Variants in NCOA3 observed in about 807,000 individuals in gnomAD.
NCOA3 encodes nuclear receptor coactivator 3, also known as CBP-interacting protein.
In NCOA3, 51 loss-of-function variants were observed where a neutral mutation model predicts 158.8. The ratio of observed to expected loss-of-function variants is 0.32; its 90% CI spans 0.26 to 0.41. The LOEUF (loss-of-function observed/expected upper bound fraction) is 0.41, where lower values mean the gene tolerates loss of function less well. Among genes scored for constraint, NCOA3 ranks in the 10% least tolerant of loss-of-function variants. The pLI is 1.00. For missense variants in NCOA3, 1,510 were observed against 1,746.6 expected (o/e 0.86, Z 2.41); for synonymous variants, 537 against 592.4 (o/e 0.91, Z 1.36).
At chr20:47,624,367 G>A (rs1402195412) in intron 4 of NCOA3, among the ~76,000 whole-genome samples, 2 of 152,246 alleles carry the variant, frequency 1.3e-5, no homozygotes, top group African/African-American at 4.8e-5. Flanking sequence ...GGGAGAAACT[G>A]TGACAGATCA....
At chr20:47,613,313 A>G (rs547621984) in intron 2 of NCOA3, among the ~76,000 whole-genome samples, 1 of 148,524 alleles carries the variant, frequency 6.7e-6, no homozygotes, top group Non-Finnish European at 1.5e-5. Context: ...TTTGCTATTC[A>G]TTGTGTTCAA....
At chr20:47,557,186 C>T (rs1030763667) in intron 1 of NCOA3, among the ~76,000 whole-genome samples, 2 of 152,176 alleles carry the variant, frequency 1.3e-5, no homozygotes, top group Non-Finnish European at 2.9e-5. Flanking sequence ...GGATATCTTT[C>T]ATATTTGGCT....
chr20:47,616,297 A>G (rs939164241), intron 2 of NCOA3, among the ~76,000 whole-genome samples: 1 of 151,516 alleles, frequency 6.6e-6, no homozygotes, highest in African/African-American at 2.4e-5. Context: ...GGGTTCAAGC[A>G]ATCCTCCTGC....
chr20:47,646,345 T>C (rs6018617), intron 17 of NCOA3, among the ~76,000 whole-genome samples: 16,225 of 152,190 alleles, frequency 0.11, 1,111 homozygotes, highest in Middle Eastern at 0.19. Context: ...GTTGAATCCA[T>C]GAGTGTGGAA....
chr20:47,567,910 G>A (rs979752924), intron 1 of NCOA3, among the ~76,000 whole-genome samples: 1 of 151,818 alleles, frequency 6.6e-6, no homozygotes, highest in Non-Finnish European at 1.5e-5. Flanking sequence ...GGGTCTTTCT[G>A]TGTTGCCCAG....
At chr20:47,592,255 G>T (rs1198737962) in intron 2 of NCOA3, among the ~76,000 whole-genome samples, 1 of 152,136 alleles carries the variant, frequency 6.6e-6, no homozygotes, top group Non-Finnish European at 1.5e-5. Flanking sequence ...ATGTTGGCCA[G>T]GCTGGTCTTG....
chr20:47,620,838 A>G (rs943795702), intron 2 of NCOA3, among the ~76,000 whole-genome samples: 22 of 152,196 alleles, frequency 1.4e-4, no homozygotes, highest in African/African-American at 4.8e-4. Flanking sequence ...ACCCTCTAGC[A>G]CAGGATTCAG....
chr20:47,652,580 G>T lies in NCOA3; in HGVS notation c.4121G>T (p.Ser1374Ile). 1 of 1,603,424 alleles carries T rather than the reference G, an allele frequency of 6.2e-7. No individual in the cohort carries two copies. The highest frequency in any genetic ancestry group is 8.5e-7 in the Non-Finnish European group (1 of 1,171,034). The change falls in exon 21 of 23, where the codon AGC becomes ATC. Residue 1374 changes from serine to isoleucine, a missense_variant and splice_region_variant. Ser to Ile is a moderately radical substitution (Grantham distance 142). Coordinates refer to ENST00000371998, the MANE Select transcript of NCOA3 (RefSeq NM_181659.3). Reference sequence around the variant, plus strand: ...CCATCAGGAAATTTGGCCAGGAACAGGTAAAGAACAGTGACTTATAAAGTT... The same window carrying T: ...CCATCAGGAAATTTGGCCAGGAACATGTAAAGAACAGTGACTTATAAAGTT... The part of the protein sequence containing the change: ...GWPSGNLARN[S>I]SFSQQQFAHQ...
chr20:47,647,726 C>T (rs2086711380), intron 18 of NCOA3, among the ~76,000 whole-genome samples: 1 of 151,984 alleles, frequency 6.6e-6, no homozygotes, highest in Non-Finnish European at 1.5e-5. Flanking sequence ...TAATGGAACT[C>T]TTCTTTCTAG....
intron 1 of NCOA3, among the ~76,000 whole-genome samples, chr20:47,507,991 C>T (rs1277450766): frequency 6.6e-6 from 1 of 151,878 alleles, no homozygotes; most frequent in Non-Finnish European, 1.5e-5. Context: ...TTGACTTAGC[C>T]CCTTTCTCCT....
At chr20:47,550,716 A>C (rs2084916205) in intron 1 of NCOA3, among the ~76,000 whole-genome samples, 1 of 152,190 alleles carries the variant, frequency 6.6e-6, no homozygotes, top group Non-Finnish European at 1.5e-5. Flanking sequence ...CATCGCTTTC[A>C]CATAACTCCT....
At chr20:47,592,997 G>T (rs146991332) in intron 2 of NCOA3, among the ~76,000 whole-genome samples, 1 of 152,082 alleles carries the variant, frequency 6.6e-6, no homozygotes, top group Non-Finnish European at 1.5e-5. Flanking sequence ...GCAGTAGTGT[G>T]ATCTCCTCTC....
At chr20:47,548,856 G>T (rs2043066502) in intron 1 of NCOA3, among the ~76,000 whole-genome samples, 1 of 152,164 alleles carries the variant, frequency 6.6e-6, no homozygotes, top group Admixed American at 6.6e-5. Flanking sequence ...TATCTGTGAG[G>T]TCTTCATTTG....
At position 47,636,530 on chromosome 20, in the gene NCOA3, C is replaced by G. The variant is rs763253296; in HGVS notation, c.2144C>G (p.Ser715Cys). The G allele has an allele frequency of 6.2e-7, 1 of 1,614,224 alleles. No individual in the cohort carries two copies. Among genetic ancestry groups the G allele is most frequent in the South Asian group, 1.1e-5 (1 of 91,082 alleles). The part of the protein sequence containing the change: ...ATGKDTSSIT[S>C]CGDGNVVKQE... ...GGGAAAGACACCAGCAGTATAACTT[C>G]TTGTGGGGACGGAAATGTTGTCAAG... Residue 715 changes from serine (S) to cysteine (C), a missense_variant, in exon 12 of 23, where the codon TCT (serine) becomes TGT (cysteine). By Grantham distance (112) the Ser-to-Cys change is moderately radical. This residue lies in a region of NCOA3 where 1,017 missense variants were observed against 1,098.3 expected (regional missense o/e 0.93). Transcript: ENST00000371998.
intron 1 of NCOA3, among the ~76,000 whole-genome samples, chr20:47,519,338 C>T (rs71351683): frequency 0.11 from 16,087 of 147,166 alleles, 910 homozygotes; most frequent in Non-Finnish European, 0.13. Context: ...AGGCTGAGGC[C>T]GGAGAATTGC....
chr20:47,528,086 C>T (rs2084485170), intron 1 of NCOA3, among the ~76,000 whole-genome samples: 1 of 152,126 alleles, frequency 6.6e-6, no homozygotes, highest in Non-Finnish European at 1.5e-5. Context: ...TGGTACAATT[C>T]TAATTGATCA....
In NCOA3 at chr20:47,627,586, G is replaced by C; in HGVS notation, c.558G>C (p.Glu186Asp). ...TTAATGGAGTTTCCTGGACAAATGA[G>C]ACCCAAAGACAAAAAAGCCATACAT... ...STVNGVSWTN[E>D]TQRQKSHTFN... Residue 186 changes from glutamate (E) to aspartate (D), a missense_variant, in exon 7 of 23, where the codon GAG (glutamate) becomes GAC (aspartate). Around this residue, in one of 4 missense-constraint regions of NCOA3, gnomAD observed 309 missense variants for 427.1 expected, o/e 0.72. Coordinates refer to ENST00000371998, the MANE Select transcript of NCOA3 (RefSeq NM_181659.3). 1 of 1,611,904 alleles carries C rather than the reference G, an allele frequency of 6.2e-7. No homozygotes were observed. Among genetic ancestry groups the C allele is most frequent in the African/African-American group, 1.3e-5 (1 of 74,890 alleles).
intron 1 of NCOA3, among the ~76,000 whole-genome samples, chr20:47,519,050 C>T (rs1379545191): frequency 4.6e-5 from 7 of 151,676 alleles, no homozygotes; most frequent in Non-Finnish European, 7.4e-5. Flanking sequence ...GCAGGAGAAT[C>T]GCTTGAACCT....
At chr20:47,627,219 TC>T in intron 6 of NCOA3, 43 bp downstream of exon 6, 2 of 1,452,694 alleles carry the variant, frequency 1.4e-6, no homozygotes, top group South Asian at 2.6e-5. Context: ...TAAATTTTTT[TC>T]CTTGACCATT....
Sources: allele counts gnomAD v4.1 joint callset (sites outside exome capture counted in the v4.1 genomes callset), GRCh38; gene constraint gnomAD v4.1.1; regional missense constraint gnomAD v4.1.1; transcripts MANE v1.5; gene names NCBI Gene and HGNC (gene_info 2026-07-23, HGNC 2026-07-21).